GPHN: variants seen among roughly 807,000 people sequenced by gnomAD.
The protein encoded by GPHN is gephyrin.
Under a neutral mutation model 95.5 loss-of-function variants are expected in GPHN, and 17 were observed. That is an observed-to-expected ratio of 0.18 (90% CI 0.12 to 0.27). GPHN has a LOEUF of 0.27. Ranked by LOEUF, GPHN falls within the 10% of genes least tolerant of loss-of-function variation. The probability of loss-of-function intolerance (pLI) is 1.00; values close to 1 mark genes in which losing one functional copy is unlikely to be tolerated. For synonymous variants in GPHN, 320 were observed against 322.5 expected (o/e 0.99, Z 0.08); for missense variants, 660 against 978.1 (o/e 0.67, Z 4.34).
intron 18 of GPHN, among the ~76,000 whole-genome samples, chr14:67,148,557 G>GTTTTT (rs1297273978): frequency 2.6e-4 from 32 of 124,752 alleles, no homozygotes; most frequent in Non-Finnish European, 3.6e-4. Flanking sequence ...GACTTTATTT[G>GTTTTT]CTTTTTTTTT....
intron 12 of GPHN, among the ~76,000 whole-genome samples, chr14:67,095,935 TA>T (rs572077000): frequency 0.25 from 7,305 of 29,336 alleles, 206 homozygotes; most frequent in Non-Finnish European, 0.29. Flanking sequence ...ATAATAATAA[TA>T]AAAAAACAAA....
intron 12 of GPHN, among the ~76,000 whole-genome samples, chr14:67,095,784 TG>T (rs1384412903): frequency 6.7e-6 from 1 of 149,792 alleles, no homozygotes; most frequent in Non-Finnish European, 1.5e-5. Flanking sequence ...TGTTGTGGGG[TG>T]GGGGGAGCAG....
Position 67,112,012 on chromosome 14 carries a change from G to A in GPHN, c.1472+93G>A, listed in dbSNP as rs568683005. On this transcript the variant is annotated intron_variant, in intron 15 of 22. Transcript: ENST00000478722. ...CTGGCTACTATAAATCTGCAGCCAT[G>A]TCAGTTAGCCATTAATTTTCAGGGC... 7 of 942,030 alleles carry A rather than the reference G, an allele frequency of 7.4e-6. No homozygotes were observed. In the South Asian group the frequency reaches 9.3e-5, roughly 13 times the overall value. The allele number at this position is 942,030 out of a possible 1,614,324, so 58.4% of individuals were successfully genotyped here.
the GPHN span, among the ~76,000 whole-genome samples, chr14:67,445,679 G>A: frequency 6.8e-6 from 1 of 146,328 alleles, no homozygotes; most frequent in Non-Finnish European, 1.5e-5. Flanking sequence ...TGACTTCCAG[G>A]CTCAAATGAT....
chr14:67,219,841 A>C, the GPHN span, among the ~76,000 whole-genome samples: 2 of 152,218 alleles, frequency 1.3e-5, no homozygotes, highest in East Asian at 1.9e-4. Context: ...AAAACAAAAC[A>C]AAACAAATTT....
chr14:66,512,141 A>G (rs79724126), intron 1 of GPHN, among the ~76,000 whole-genome samples: 1,837 of 152,006 alleles, frequency 0.012, 19 homozygotes, highest in Non-Finnish European at 0.018. Flanking sequence ...AAAACTAGAA[A>G]CAGGATGTGG....
the GPHN span, chr14:67,650,939 A>G: frequency 1.2e-6 from 2 of 1,609,370 alleles, no homozygotes; most frequent in Non-Finnish European, 1.7e-6. Context: ...GTGCACTGAC[A>G]TGTTTCACAA....
At chr14:66,583,401 T>C (rs2061282330) in intron 1 of GPHN, among the ~76,000 whole-genome samples, 2 of 152,254 alleles carry the variant, frequency 1.3e-5, no homozygotes, top group South Asian at 4.1e-4. Context: ...TAGATCCCAT[T>C]TGTCAATTTT....
the GPHN span, chr14:67,575,688 T>C: frequency 1.3e-6 from 1 of 749,668 alleles, no homozygotes; most frequent in South Asian, 1.7e-5. Context: ...GCTGGGATGC[T>C]ATAGTCTCCA....
At chr14:66,715,238 C>T (rs1482563840) in intron 2 of GPHN, among the ~76,000 whole-genome samples, 1 of 152,092 alleles carries the variant, frequency 6.6e-6, no homozygotes, top group East Asian at 1.9e-4. Flanking sequence ...TTATCCATCT[C>T]TTCTAGGTGT....
At chr14:66,924,643 AC>A (rs1346794335) in intron 8 of GPHN, among the ~76,000 whole-genome samples, 1 of 152,176 alleles carries the variant, frequency 6.6e-6, no homozygotes, top group African/African-American at 2.4e-5. Context: ...TAAGAGAATC[AC>A]TTTGAGTCTT....
intron 2 of GPHN, among the ~76,000 whole-genome samples, chr14:66,728,143 TGC>T (rs1482672825): frequency 6.6e-6 from 1 of 152,152 alleles, no homozygotes; most frequent in African/African-American, 2.4e-5. Context: ...ATGTTGAGCC[TGC>T]GAGTGCACAG....
the GPHN span, among the ~76,000 whole-genome samples, chr14:67,468,198 T>C: frequency 6.6e-6 from 1 of 152,156 alleles, no homozygotes; most frequent in South Asian, 2.1e-4. Flanking sequence ...GGTCTCTAAC[T>C]CCTGACCTCA....
At chr14:67,579,592 A>G in the GPHN span, 1 of 907,056 alleles carries the variant, frequency 1.1e-6, no homozygotes, top group South Asian at 1.7e-5. Context: ...GAACACAGAA[A>G]CCAACTTGCT....
chr14:67,507,197 A>G, the GPHN span, among the ~76,000 whole-genome samples: 1 of 152,064 alleles, frequency 6.6e-6, no homozygotes, highest in East Asian at 1.9e-4. Context: ...CAGCTAAATT[A>G]GCCAGGTGCT....
intron 16 of GPHN, among the ~76,000 whole-genome samples, chr14:67,113,823 G>A (rs1253869901): frequency 2.6e-5 from 4 of 152,152 alleles, no homozygotes; most frequent in Non-Finnish European, 5.9e-5. Context: ...CTTAGGTTGT[G>A]CAAAACTTCA....
the GPHN span, among the ~76,000 whole-genome samples, chr14:67,258,754 T>C: frequency 1.3e-5 from 2 of 152,062 alleles, no homozygotes; most frequent in East Asian, 3.9e-4. Context: ...AACTCCTTAA[T>C]AACAAAGTAA....
At chr14:67,205,120 A>G in the GPHN span, 27 of 1,526,246 alleles carry the variant, frequency 1.8e-5, no homozygotes, top group Non-Finnish European at 2.3e-5. Context: ...TCATGCTTTA[A>G]TAATCGAGAA....
At chr14:66,665,707 C>A (rs1034566095) in intron 1 of GPHN, among the ~76,000 whole-genome samples, 1 of 152,268 alleles carries the variant, frequency 6.6e-6, no homozygotes, top group African/African-American at 2.4e-5. Flanking sequence ...CCTCAGGGAT[C>A]TAGAACTAGA....
Sources: allele counts gnomAD v4.1 joint callset (sites outside exome capture counted in the v4.1 genomes callset), GRCh38; gene constraint gnomAD v4.1.1; transcripts MANE v1.5; gene names NCBI Gene and HGNC (gene_info 2026-07-23, HGNC 2026-07-21).